Variants in SHISA9 observed in about 807,000 individuals in gnomAD.
SHISA9 encodes the protein protein shisa-9.
Under a neutral mutation model 38.0 loss-of-function variants are expected in SHISA9, and 13 were observed. The observed-to-expected ratio is 0.34, with a 90% confidence interval of 0.22 to 0.54. The LOEUF (loss-of-function observed/expected upper bound fraction) is 0.54, where lower values mean the gene tolerates loss of function less well. SHISA9 is among the 20% of genes least tolerant of loss of function. The pLI is 0.91. For synonymous variants in SHISA9, 275 were observed against 242.0 expected, an observed-to-expected ratio of 1.14 and a Z score of -1.27; for missense variants, 538 against 575.8, an observed-to-expected ratio of 0.93 and a Z score of 0.67.
At chr16:12,976,381 A>G (rs4527008) in intron 2 of SHISA9, among the ~76,000 whole-genome samples, 28,008 of 152,096 alleles carry the variant, frequency 0.18, 3,371 homozygotes, top group Middle Eastern at 0.3. Context: ...ATGAGCCACC[A>G]TGCCTGGCCA....
At chr16:13,346,456 T>C in the SHISA9 span, among the ~76,000 whole-genome samples, 2 of 152,196 alleles carry the variant, frequency 1.3e-5, no homozygotes, top group African/African-American at 4.8e-5. Context: ...AACAGCCTTC[T>C]ATTAAATGTA....
At chr16:13,223,366 G>T (rs1277869464) in intron 4 of SHISA9, among the ~76,000 whole-genome samples, 1 of 152,182 alleles carries the variant, frequency 6.6e-6, no homozygotes, top group Non-Finnish European at 1.5e-5. Context: ...GGAGGGTCAA[G>T]TCAGTAGTGA....
intron 2 of SHISA9, among the ~76,000 whole-genome samples, chr16:12,921,021 CAACT>C (rs1567339625): frequency 6.6e-6 from 1 of 152,190 alleles, no homozygotes; most frequent in Non-Finnish European, 1.5e-5. Context: ...TCTATAAAAA[CAACT>C]ACATAAAATT....
the SHISA9 span, among the ~76,000 whole-genome samples, chr16:13,362,793 T>C: frequency 6.6e-6 from 1 of 152,202 alleles, no homozygotes. Flanking sequence ...TCCCGTTCTT[T>C]TCATCTTCTC....
intron 2 of SHISA9, among the ~76,000 whole-genome samples, chr16:13,146,114 C>T (rs1325648045): frequency 4.6e-5 from 7 of 152,160 alleles, no homozygotes; most frequent in South Asian, 4.1e-4. Flanking sequence ...CCCTTGAACC[C>T]GGGAGGGGAA....
chr16:13,507,405 T>A, the SHISA9 span, among the ~76,000 whole-genome samples: 1 of 149,942 alleles, frequency 6.7e-6, no homozygotes, highest in African/African-American at 2.5e-5. Context: ...CATTGGCTTC[T>A]TTCTTTTCTT....
chr16:13,217,465 G>C (rs915366953), intron 4 of SHISA9, among the ~76,000 whole-genome samples: 1 of 152,162 alleles, frequency 6.6e-6, no homozygotes, highest in Admixed American at 6.5e-5. Context: ...GAAACTGCCA[G>C]CATAGACTGC....
At chr16:13,052,967 T>C (rs2073269657) in intron 2 of SHISA9, among the ~76,000 whole-genome samples, 2 of 146,006 alleles carry the variant, frequency 1.4e-5, no homozygotes, top group South Asian at 4.5e-4. Context: ...TTCTTTTTTT[T>C]TTTTTTTTTT....
At chr16:13,292,762 G>A in the SHISA9 span, among the ~76,000 whole-genome samples, 1 of 152,122 alleles carries the variant, frequency 6.6e-6, no homozygotes. Flanking sequence ...ATTGTACCCT[G>A]AGAGGTTATC....
chr16:13,359,989 G>A, the SHISA9 span, among the ~76,000 whole-genome samples: 1 of 152,186 alleles, frequency 6.6e-6, no homozygotes, highest in Non-Finnish European at 1.5e-5. Flanking sequence ...CATCACAGCT[G>A]AGGGACTATG....
the SHISA9 span, among the ~76,000 whole-genome samples, chr16:13,367,654 G>GGA: frequency 8.3e-4 from 125 of 149,772 alleles, 3 homozygotes; most frequent in Non-Finnish European, 1.1e-3. Context: ...AGTAGGATGC[G>GGA]GGGGGGAATG....
chr16:13,306,153 T>C, the SHISA9 span, among the ~76,000 whole-genome samples: 1 of 152,172 alleles, frequency 6.6e-6, no homozygotes, highest in South Asian at 2.1e-4. Context: ...AATGAATGAA[T>C]ACTCTGGAAT....
intron 2 of SHISA9, among the ~76,000 whole-genome samples, chr16:13,152,443 A>G (rs974698771): frequency 1.3e-5 from 2 of 152,236 alleles, no homozygotes; most frequent in African/African-American, 2.4e-5. Flanking sequence ...ATTGGAAGAA[A>G]AGCGAGATAT....
At chr16:13,383,502 G>C in the SHISA9 span, among the ~76,000 whole-genome samples, 14 of 152,176 alleles carry the variant, frequency 9.2e-5, no homozygotes, top group African/African-American at 3.1e-4. Context: ...TGCGTGCATA[G>C]GTAGAACATC....
intron 2 of SHISA9, among the ~76,000 whole-genome samples, chr16:13,186,233 G>A (rs1186231814): frequency 6.7e-6 from 1 of 149,264 alleles, no homozygotes; most frequent in Non-Finnish European, 1.5e-5. Flanking sequence ...GTGTGTGTGT[G>A]TGTGTATGTG....
At chr16:13,228,179 C>T (rs1055041441) in intron 4 of SHISA9, among the ~76,000 whole-genome samples, 1 of 152,180 alleles carries the variant, frequency 6.6e-6, no homozygotes, top group African/African-American at 2.4e-5. Context: ...CATTCCAGAG[C>T]CTGCAGACTT....
intron 2 of SHISA9, among the ~76,000 whole-genome samples, chr16:12,957,473 T>C (rs1366459175): frequency 6.6e-6 from 1 of 152,170 alleles, no homozygotes; most frequent in Non-Finnish European, 1.5e-5. Flanking sequence ...AACTTCTCTG[T>C]GTCCTCACAT....
At chr16:13,448,314 G>A in the SHISA9 span, among the ~76,000 whole-genome samples, 1 of 152,194 alleles carries the variant, frequency 6.6e-6, no homozygotes, top group Non-Finnish European at 1.5e-5. Context: ...ATTTTAAATA[G>A]TGGAACACGC....
the SHISA9 span, among the ~76,000 whole-genome samples, chr16:13,430,652 T>A: frequency 2.6e-5 from 4 of 151,996 alleles, no homozygotes; most frequent in African/African-American, 9.7e-5. Flanking sequence ...ATTCCCATAA[T>A]CTCAGCATTT....
Sources: gnomAD v4.1 joint callset for allele counts (sites outside exome capture counted in the v4.1 genomes callset) on GRCh38, gnomAD v4.1.1 for gene constraint, MANE v1.5 for transcripts, NCBI Gene and HGNC (gene_info 2026-07-23, HGNC 2026-07-21) for gene names.